PCSK6: variants seen among roughly 807,000 people sequenced by gnomAD.
The protein encoded by PCSK6 is paired basic amino acid cleaving enzyme 4.
PCSK6 carries 85 observed loss-of-function variants against 123.3 expected under a neutral mutation model. The observed-to-expected ratio is 0.69, with a 90% CI of 0.58 to 0.83. PCSK6 has a LOEUF of 0.83. Ranked by LOEUF, PCSK6 falls within the 40% of genes least tolerant of loss-of-function variation. The probability of loss-of-function intolerance (pLI) is 0.00; values close to 1 mark genes in which losing one functional copy is unlikely to be tolerated. For missense variants in PCSK6, 1,191 were observed against 1,282.3 expected (o/e 0.93, Z 1.09); for synonymous variants, 508 against 516.0 (o/e 0.98, Z 0.21).
intron 1 of PCSK6, among the ~76,000 whole-genome samples, chr15:101,468,555 C>T (rs146967714): frequency 8.5e-5 from 13 of 152,302 alleles, no homozygotes; most frequent in Admixed American, 3.3e-4. Flanking sequence ...TTTCAGCTCT[C>T]GTGTCAGAAG....
intron 18 of PCSK6, among the ~76,000 whole-genome samples, chr15:101,319,058 G>A (rs879253520): frequency 6.6e-6 from 1 of 152,226 alleles, no homozygotes; most frequent in African/African-American, 2.4e-5. Context: ...GACCACCCAC[G>A]TGGATGGCTT....
intron 11 of PCSK6, among the ~76,000 whole-genome samples, chr15:101,374,432 A>G (rs2041676309): frequency 6.6e-6 from 1 of 151,926 alleles, no homozygotes; most frequent in African/African-American, 2.4e-5. Context: ...CTGGGAAGCT[A>G]CTCCATGTCA....
chr15:101,467,648 A>T (rs1157298226), intron 1 of PCSK6, among the ~76,000 whole-genome samples: 1 of 152,226 alleles, frequency 6.6e-6, no homozygotes, highest in East Asian at 1.9e-4. Flanking sequence ...TGGCCAAAAA[A>T]CACGGTAGTG....
At chr15:101,485,151 T>C (rs56002927) in intron 1 of PCSK6, among the ~76,000 whole-genome samples, 2,499 of 152,324 alleles carry the variant, frequency 0.016, 72 homozygotes, top group African/African-American at 0.057. Flanking sequence ...TATCTCATCG[T>C]TGCCTAAATT....
chr15:101,464,149 C>G (rs928493433), intron 1 of PCSK6, among the ~76,000 whole-genome samples: 1 of 152,166 alleles, frequency 6.6e-6, no homozygotes, highest in Non-Finnish European at 1.5e-5. Context: ...AAAGCCTTCC[C>G]AGGCTGCTCC....
chr15:101,396,036 G>C (rs754104134), intron 7 of PCSK6, among the ~76,000 whole-genome samples: 11 of 152,192 alleles, frequency 7.2e-5, no homozygotes, highest in Non-Finnish European at 5.9e-5. Context: ...AGGAAAAGCA[G>C]ATGGGGGAAT....
chr15:101,332,249 C>A (rs2040386824), intron 13 of PCSK6, among the ~76,000 whole-genome samples: 1 of 152,322 alleles, frequency 6.6e-6, no homozygotes, highest in Non-Finnish European at 1.5e-5. Flanking sequence ...CCCTTTTATT[C>A]CTGTTCTATC....
chr15:101,312,862 G>A (rs535801399), intron 20 of PCSK6, among the ~76,000 whole-genome samples: 96 of 151,874 alleles, frequency 6.3e-4, no homozygotes, highest in Non-Finnish European at 1.1e-3. Context: ...AAAATTAGCT[G>A]GGCATTGTGG....
intron 1 of PCSK6, among the ~76,000 whole-genome samples, chr15:101,453,133 C>G (rs1012788818): frequency 6.6e-6 from 1 of 152,238 alleles, no homozygotes; most frequent in Non-Finnish European, 1.5e-5. Context: ...GAAGCGGCGA[C>G]AGACTGCTTC....
intron 6 of PCSK6, among the ~76,000 whole-genome samples, chr15:101,411,745 A>G (rs2055695734): frequency 6.6e-6 from 1 of 152,220 alleles, no homozygotes; most frequent in Non-Finnish European, 1.5e-5. Flanking sequence ...CTGAGTGGCG[A>G]GCCTAGACCT....
intron 11 of PCSK6, among the ~76,000 whole-genome samples, chr15:101,379,856 C>T (rs960982074): frequency 2.6e-5 from 4 of 152,184 alleles, no homozygotes; most frequent in Non-Finnish European, 4.4e-5. Flanking sequence ...GGCTCAGTGG[C>T]AGAGCTGGCT....
chr15:101,404,691 A>C (rs1166050386), intron 6 of PCSK6, among the ~76,000 whole-genome samples: 4 of 152,162 alleles, frequency 2.6e-5, no homozygotes, highest in Admixed American at 6.5e-5. Context: ...CGGGGCAGTT[A>C]AGAAGATTAA....
intron 6 of PCSK6, among the ~76,000 whole-genome samples, chr15:101,403,709 CTTTATTTATTTA>C (rs71287805): frequency 2.0e-5 from 3 of 151,790 alleles, no homozygotes; most frequent in Non-Finnish European, 2.9e-5. Context: ...ATGCCATTGC[CTTTATTTATTTA>C]TTTATTTATT....
chr15:101,338,782 A>G (rs1179980867), intron 13 of PCSK6, among the ~76,000 whole-genome samples: 1 of 152,196 alleles, frequency 6.6e-6, no homozygotes, highest in Non-Finnish European at 1.5e-5. Flanking sequence ...AAGAATCACA[A>G]ATCCACCTGT....
intron 1 of PCSK6, among the ~76,000 whole-genome samples, chr15:101,480,262 A>T (rs961245120): frequency 3.9e-5 from 6 of 152,234 alleles, no homozygotes; most frequent in African/African-American, 1.4e-4. Flanking sequence ...CCCCCGAGGA[A>T]GATTAGAGAA....
At chr15:101,331,548 G>A in intron 15 of PCSK6, 103 bp downstream of exon 15, 1 of 1,052,248 alleles carries the variant, frequency 9.5e-7, no homozygotes, top group Non-Finnish European at 1.5e-6. Context: ...CCTAGAAGTG[G>A]CTAACTTACC....
chr15:101,431,478 G>A lies in PCSK6; in HGVS notation c.514-15C>T. On this transcript the variant is annotated splice_polypyrimidine_tract_variant and intron_variant, in intron 3 of 21. Transcript: ENST00000611716. ...TCGCCACAATGCTGTAAGCACGAAA[G>A]ACACAAAGTCCCCCCGACATGGACA... is the stretch of plus-strand genomic sequence containing the variant. The A allele has an allele frequency of 6.2e-7, 1 of 1,613,326 alleles. No homozygotes were observed. Among genetic ancestry groups the A allele is most frequent in the East Asian group, 2.2e-5 (1 of 44,874 alleles).
intron 15 of PCSK6, 121 bp from the exon 16 acceptor site, chr15:101,326,600 G>T: frequency 1.1e-6 from 1 of 935,090 alleles, no homozygotes; most frequent in Non-Finnish European, 1.6e-6. Context: ...CCCAGGCCCC[G>T]CTGGGGCTGG....
intron 13 of PCSK6, among the ~76,000 whole-genome samples, chr15:101,359,900 C>G (rs59580577): frequency 0.024 from 3,612 of 152,326 alleles, 97 homozygotes; most frequent in African/African-American, 0.063. Flanking sequence ...TCTTCCCTCT[C>G]ACCTCCAGGT....
Sources: allele counts gnomAD v4.1 joint callset (sites outside exome capture counted in the v4.1 genomes callset), GRCh38; gene constraint gnomAD v4.1.1; transcripts MANE v1.5; gene names NCBI Gene and HGNC (gene_info 2026-07-23, HGNC 2026-07-21).